TUSC3: variants seen among roughly 807,000 people sequenced by gnomAD.
TUSC3 encodes dolichyl-diphosphooligosaccharide--protein glycosyltransferase subunit TUSC3.
Under a neutral mutation model 44.8 loss-of-function variants are expected in TUSC3, and 45 were observed. The observed-to-expected ratio is 1.00, with a 90% CI of 0.79 to 1.29. The LOEUF is 1.29. Ranked by LOEUF, TUSC3 falls within the 50% of genes most tolerant of loss-of-function variation. The pLI, the probability that TUSC3 is intolerant of heterozygous loss-of-function variation, is 0.00. For missense variants in TUSC3, 519 were observed against 437.9 expected (o/e 1.19, Z -1.65); for synonymous variants, 212 against 152.9 (o/e 1.39, Z -2.85).
the TUSC3 span, among the ~76,000 whole-genome samples, chr8:15,783,463 A>G: frequency 2.0e-5 from 3 of 152,192 alleles, no homozygotes; most frequent in Non-Finnish European, 2.9e-5. Flanking sequence ...ACACTACATC[A>G]TTTCAAAATA....
At chr8:15,492,648 C>G (rs1056806955) in intron 2 of TUSC3, among the ~76,000 whole-genome samples, 1 of 151,854 alleles carries the variant, frequency 6.6e-6, no homozygotes, top group Non-Finnish European at 1.5e-5. Context: ...TAAAATGTCA[C>G]GTAACAGGCT....
At chr8:15,560,226 T>C (rs1802409156) in intron 1 of TUSC3, among the ~76,000 whole-genome samples, 1 of 148,032 alleles carries the variant, frequency 6.8e-6, no homozygotes, top group African/African-American at 2.5e-5. Flanking sequence ...CAGCATTTGC[T>C]TGTCTGTTAA....
intron 6 of TUSC3, among the ~76,000 whole-genome samples, chr8:15,720,429 G>C (rs1204158047): frequency 6.6e-6 from 1 of 152,042 alleles, no homozygotes; most frequent in Non-Finnish European, 1.5e-5. Context: ...GGCCTGCAAA[G>C]CAAAGCCATG....
chr8:15,523,737 TA>T (rs1356845621), intron 2 of TUSC3, among the ~76,000 whole-genome samples: 1 of 138,318 alleles, frequency 7.2e-6, no homozygotes, highest in Non-Finnish European at 1.5e-5. Flanking sequence ...AAGTAGTTCT[TA>T]GGAGAGGAAA....
At chr8:15,746,494 TGTA>T (rs1338118704) in intron 8 of TUSC3, among the ~76,000 whole-genome samples, 4 of 152,112 alleles carry the variant, frequency 2.6e-5, no homozygotes, top group Non-Finnish European at 5.9e-5. Context: ...TTTTCACAGG[TGTA>T]GTATCTCATG....
At chr8:15,436,829 T>C (rs1173020946) in intron 1 of TUSC3, among the ~76,000 whole-genome samples, 1 of 152,192 alleles carries the variant, frequency 6.6e-6, no homozygotes, top group Non-Finnish European at 1.5e-5. Context: ...CTCATAAGCC[T>C]GTGTATAGGA....
intron 1 of TUSC3, among the ~76,000 whole-genome samples, chr8:15,581,379 A>T (rs371632470): frequency 0.018 from 2,629 of 149,754 alleles, 126 homozygotes; most frequent in African/African-American, 0.063. Context: ...GTTCCTTTGG[A>T]GGAGGAGAGG....
At chr8:15,755,332 C>G (rs1811880051) in intron 9 of TUSC3, among the ~76,000 whole-genome samples, 1 of 152,064 alleles carries the variant, frequency 6.6e-6, no homozygotes, top group Non-Finnish European at 1.5e-5. Flanking sequence ...GTACATAGTA[C>G]TGATTACTCA....
chr8:15,717,535 T>C (rs1049313670), intron 6 of TUSC3, among the ~76,000 whole-genome samples: 1 of 152,114 alleles, frequency 6.6e-6, no homozygotes, highest in African/African-American at 2.4e-5. Context: ...TCTATTAATT[T>C]CCTTGTCACA....
intron 7 of TUSC3, among the ~76,000 whole-genome samples, chr8:15,735,858 C>T (rs1810908465): frequency 6.7e-6 from 1 of 149,312 alleles, no homozygotes; most frequent in East Asian, 2.0e-4. Flanking sequence ...CGCTGCCACA[C>T]CCGGCTAATG....
chr8:15,655,652 A>C (rs1391031584), intron 3 of TUSC3, among the ~76,000 whole-genome samples: 3 of 152,174 alleles, frequency 2.0e-5, no homozygotes, highest in Non-Finnish European at 2.9e-5. Flanking sequence ...CTCAGTCTCT[A>C]ACTCTGCTTT....
chr8:15,724,675 A>G (rs1000553526), intron 6 of TUSC3, among the ~76,000 whole-genome samples: 23 of 152,304 alleles, frequency 1.5e-4, no homozygotes, highest in African/African-American at 4.3e-4. Flanking sequence ...TAGATTTTGC[A>G]TGTCCATTGC....
chr8:15,584,689 A>G (rs1803522253), intron 1 of TUSC3, among the ~76,000 whole-genome samples: 1 of 150,534 alleles, frequency 6.6e-6, no homozygotes, highest in Non-Finnish European at 1.5e-5. Flanking sequence ...GATCTGGAAT[A>G]TGTGTGTATG....
intron 2 of TUSC3, among the ~76,000 whole-genome samples, chr8:15,515,250 A>G (rs541321469): frequency 7.2e-5 from 11 of 152,170 alleles, no homozygotes; most frequent in Non-Finnish European, 1.5e-4. Flanking sequence ...AAGGACAACT[A>G]AAAAATGAAA....
chr8:15,558,861 A>C lies in TUSC3; in HGVS notation c.138+18293A>C, dbSNP rs535074613. ...TGGGATCGGTGGTGATATCCCCTTT[A>C]TCATTTTTTATTGCGTCTGTTCGAT... On this transcript the variant is annotated intron_variant, in intron 1 of 10. Transcript: ENST00000503731. 2.7e-5 allele frequency among the ~76,000 whole-genome samples: 4 copies of C among 150,698 alleles called. No homozygotes were observed. The South Asian group carries it at 8.5e-4, about 32-fold the overall frequency.
intron 7 of TUSC3, among the ~76,000 whole-genome samples, chr8:15,734,542 T>C (rs1186238673): frequency 2.0e-5 from 3 of 152,242 alleles, no homozygotes; most frequent in African/African-American, 4.8e-5. Context: ...AATTCATTTT[T>C]ATTTCATTTA....
Position 15,692,382 on chromosome 8 carries a change from T to G in TUSC3, c.798+18546T>G, listed in dbSNP as rs1026584900. On this transcript the variant is annotated intron_variant, in intron 6 of 10. Transcript: ENST00000503731. ...ACCCCCCCCCCCCCCTTTGTTTTTT[T>G]TTTTTTTTTTTTTTTTTGCAATAGT... 4.0e-3 allele frequency among the ~76,000 whole-genome samples: 548 copies of G among 138,492 alleles called. 3 individuals carry two copies. Among genetic ancestry groups the G allele is most frequent in the Non-Finnish European group, 6.6e-3 (424 of 64,654 alleles). 90.9% of individuals were successfully genotyped at this position (138,492 alleles called of 152,430 possible). A position where few individuals can be genotyped will look rare whatever the true frequency, so the allele number is the denominator to read the frequency against.
the TUSC3 span, among the ~76,000 whole-genome samples, chr8:15,839,043 G>C: frequency 6.6e-6 from 1 of 152,078 alleles, no homozygotes; most frequent in African/African-American, 2.4e-5. Flanking sequence ...CTGAGCAGTG[G>C]TTTGTAGTTC....
intron 2 of TUSC3, among the ~76,000 whole-genome samples, chr8:15,483,839 A>G (rs1399480256): frequency 2.0e-5 from 3 of 149,362 alleles, no homozygotes; most frequent in Admixed American, 6.7e-5. Context: ...TTGTATTTTT[A>G]GTAGAGACGG....
Sources: allele counts gnomAD v4.1 joint callset (sites outside exome capture counted in the v4.1 genomes callset), GRCh38; gene constraint gnomAD v4.1.1; transcripts MANE v1.5; gene names NCBI Gene and HGNC (gene_info 2026-07-23, HGNC 2026-07-21).